RO60: variants seen among roughly 807,000 people sequenced by gnomAD.
The protein encoded by RO60 is Ro60, Y RNA binding protein.
In RO60, 20 loss-of-function variants were observed where a neutral mutation model predicts 55.3. That is an observed-to-expected ratio of 0.36 (90% CI 0.25 to 0.53). The LOEUF (loss-of-function observed/expected upper bound fraction) is 0.53, where lower values mean the gene tolerates loss of function less well. RO60 is among the 20% of genes least tolerant of loss of function. The pLI is 0.92. For synonymous variants in RO60, 213 were observed against 213.6 expected, an observed-to-expected ratio of 1.00 and a Z score of 0.02; for missense variants, 558 against 646.6, an observed-to-expected ratio of 0.86 and a Z score of 1.49.
Position 193,085,421 on chromosome 1 carries a change from G to C in RO60, c.*690G>C. ...CCTAAGAATAGACTAAGTTTGTGTT[G>C]GCTGAGGGATTCTATTTGGTTTGCT... On this transcript the variant is annotated 3_prime_UTR_variant, in exon 9 of 9. Transcript: ENST00000400968. 2.0e-6 allele frequency: 2 copies of C among 985,948 alleles called. No individual in the cohort carries two copies. The highest frequency in any genetic ancestry group is 3.5e-5 in the African/African-American group (2 of 57,240). 61.1% of individuals were successfully genotyped at this position (985,948 alleles called of 1,614,324 possible).
chr1:193,076,641 A>G lies in RO60; in HGVS notation c.942A>G (p.Leu314=), dbSNP rs547263877. The G allele has an allele frequency of 2.8e-5, 45 of 1,597,074 alleles. No individual in the cohort carries two copies. The highest frequency in any genetic ancestry group is 3.7e-5 in the Non-Finnish European group (43 of 1,173,598). Residue 314 remains leucine, a synonymous_variant, in exon 4 of 9, where the codon TTA becomes TTG. Coordinates refer to ENST00000400968, the MANE Select transcript of RO60 (RefSeq NM_001173524.2). Reference sequence around the variant, plus strand: ...AAAAACTGTGTAATGAAAAACTATTAAAAAAGGTAAGCATTATCATTGTTC... The same window carrying G: ...AAAAACTGTGTAATGAAAAACTATTGAAAAAGGTAAGCATTATCATTGTTC... The part of the protein sequence containing the change: ...VCEKLCNEKL[L]KKARIHPFHI...
chr1:193,082,008 G>A (rs1030080692), intron 6 of RO60, among the ~76,000 whole-genome samples, 178 bp from the exon 7 acceptor site: 1 of 152,144 alleles, frequency 6.6e-6, no homozygotes, highest in African/African-American at 2.4e-5. Context: ...ATGATAGCCA[G>A]TTTTTTTGTG....
chr1:193,066,217 T>TC (rs1673095321), intron 1 of RO60, among the ~76,000 whole-genome samples: 1 of 152,236 alleles, frequency 6.6e-6, no homozygotes, highest in Non-Finnish European at 1.5e-5. Context: ...CCTTCAGTTA[T>TC]CCCCCTTCTC....
intron 5 of RO60, among the ~76,000 whole-genome samples, chr1:193,078,720 T>G (rs1026724880): frequency 6.6e-6 from 1 of 151,894 alleles, no homozygotes; most frequent in Non-Finnish European, 1.5e-5. Flanking sequence ...TAAAAGAAAT[T>G]AAGTCATGAA....
At position 193,085,444 on chromosome 1, in the gene RO60, G is replaced by GC. The variant is rs1348902967; in HGVS notation, c.*714dup. The stretch of plus-strand genomic sequence containing the variant: ...TTGGCTGAGGGATTCTATTTGGTTT[G>GC]CTTTTTTTTTTTTGCTTTGTTATAT... On this transcript the variant is annotated 3_prime_UTR_variant, in exon 9 of 9. Coordinates refer to ENST00000400968, the MANE Select transcript of RO60 (RefSeq NM_001173524.2). The GC allele has an allele frequency of 1.0e-6, 1 of 979,152 alleles. No homozygotes were observed. The highest frequency in any genetic ancestry group is 1.8e-5 in the African/African-American group (1 of 56,508). The allele number at this position is 979,152 out of a possible 1,614,324, so 60.7% of individuals were successfully genotyped here.
At chr1:193,075,222 A>C (rs1331839377) in intron 2 of RO60, among the ~76,000 whole-genome samples, 1 of 151,684 alleles carries the variant, frequency 6.6e-6, no homozygotes, top group Non-Finnish European at 1.5e-5. Flanking sequence ...CTCACCCCCA[A>C]TCCAAGGCTC....
intron 2 of RO60, 116 bp downstream of exon 2, chr1:193,069,750 T>C (rs1673355118): frequency 1.3e-6 from 1 of 798,686 alleles, no homozygotes; most frequent in Admixed American, 3.0e-5. Context: ...CCTTTTATTC[T>C]CAAAATATAC....
chr1:193,069,211 T>A lies in RO60; in HGVS notation c.157T>A (p.Leu53Met), dbSNP rs375613734. 4.4e-5 allele frequency: 71 copies of A among 1,614,086 alleles called. No individual in the cohort carries two copies. Among genetic ancestry groups the A allele is most frequent in the Middle Eastern group, 1.6e-4 (1 of 6,084 alleles). Residue 53 changes from leucine (L) to methionine (M), a missense_variant, in exon 2 of 9, where the codon TTG (leucine) becomes ATG (methionine). Leu to Met is a conservative substitution (Grantham distance 15). Transcript: ENST00000400968. ...GGTYYIKEQK[L>M]GLENAEALIR... ...GACTTATTATATCAAAGAACAGAAG[T>A]TGGGCCTTGAAAATGCTGAAGCTTT...
In RO60 at chr1:193,069,315, A is replaced by G. The variant is rs184182804; in HGVS notation, c.261A>G (p.Thr87=). Residue 87 remains threonine, a synonymous_variant, in exon 2 of 9, where the codon ACA becomes ACG. Coordinates refer to ENST00000400968, the MANE Select transcript of RO60 (RefSeq NM_001173524.2). ...CATTTAGTCAAGAAGGCAGAACCAC[A>G]AAGCAAGAGCCTATGCTCTTTGCAC... ...IKSFSQEGRT[T]KQEPMLFALA... The G allele has an allele frequency of 6.9e-5, 111 of 1,614,258 alleles. No individual in the cohort carries two copies. The Middle Eastern group carries it at 8.2e-4, about 12-fold the overall frequency.
intron 1 of RO60, among the ~76,000 whole-genome samples, chr1:193,064,976 C>T (rs1673012965): frequency 6.6e-6 from 1 of 152,118 alleles, no homozygotes; most frequent in South Asian, 2.1e-4. Context: ...GTATTCATTA[C>T]TTTTCTTTAG....
rs532637607 is a variant in RO60 at position 193,087,413 on chromosome 1, A to T, written c.*2682A>T. On this transcript the variant is annotated 3_prime_UTR_variant, in exon 9 of 9. Transcript: ENST00000400968. Reference sequence around the variant, plus strand: ...ATAGTTCCAGGATATAGTTGTAATTAGTAAAACAAAAACTAATCTTATAAT... The same window carrying T: ...ATAGTTCCAGGATATAGTTGTAATTTGTAAAACAAAAACTAATCTTATAAT... The T allele has an allele frequency of 9.2e-5, 14 of 152,196 alleles. No homozygotes were observed. The highest frequency in any genetic ancestry group is 1.8e-4 in the Non-Finnish European group (12 of 68,000). 9.4% of individuals were successfully genotyped at this position (152,196 alleles called of 1,614,324 possible).
chr1:193,072,515 T>G (rs1450358638), intron 2 of RO60, among the ~76,000 whole-genome samples: 1 of 152,040 alleles, frequency 6.6e-6, no homozygotes, highest in Non-Finnish European at 1.5e-5. Context: ...CATGTCTTCA[T>G]AGGTTTATGT....
At chr1:193,071,540 A>G (rs780599898) in intron 2 of RO60, among the ~76,000 whole-genome samples, 1 of 152,086 alleles carries the variant, frequency 6.6e-6, no homozygotes, top group Non-Finnish European at 1.5e-5. Context: ...AAATACTACA[A>G]TGAAAACACT....
rs375613734 is a variant in RO60, at chr1:193,069,211, T to C, written c.157T>C (p.Leu53=). 6.2e-7 allele frequency: 1 copy of C among 1,614,204 alleles called. No homozygotes were observed. Among genetic ancestry groups the C allele is most frequent in the Non-Finnish European group, 8.5e-7 (1 of 1,180,024 alleles). Residue 53 remains leucine, a synonymous_variant, in exon 2 of 9, where the codon TTG becomes CTG. Transcript: ENST00000400968. ...GACTTATTATATCAAAGAACAGAAGTTGGGCCTTGAAAATGCTGAAGCTTT... is the reference window on the plus strand; with the variant it reads ...GACTTATTATATCAAAGAACAGAAGCTGGGCCTTGAAAATGCTGAAGCTTT... ...GGTYYIKEQK[L]GLENAEALIR...
intron 2 of RO60, among the ~76,000 whole-genome samples, chr1:193,073,636 C>A (rs541751430): frequency 6.6e-6 from 1 of 152,096 alleles, no homozygotes; most frequent in Non-Finnish European, 1.5e-5. Context: ...CACAGTGGCA[C>A]GATCTTGGCC....
At position 193,075,998 on chromosome 1, in the gene RO60, A is replaced by G; in HGVS notation, c.759A>G (p.Leu253=). The G allele has an allele frequency of 6.2e-7, 1 of 1,611,496 alleles. No homozygotes were observed. Among genetic ancestry groups the G allele is most frequent in the Non-Finnish European group, 8.5e-7 (1 of 1,179,034 alleles). The part of the protein sequence containing the change: ...EVIHLIEEHR[L]VREHLLTNHL... ...TTCATCTAATAGAAGAACATAGATT[A>G]GTTAGAGAACATCTTTTAACAAATC... Residue 253 remains leucine, a synonymous_variant, in exon 3 of 9, where the codon TTA becomes TTG. Transcript: ENST00000400968.
At position 193,067,525 on chromosome 1, in the gene RO60, G is replaced by T. The variant is rs368588241; in HGVS notation, c.-21-1509G>T. 9.2e-5 allele frequency among the ~76,000 whole-genome samples: 14 copies of T among 151,910 alleles called. 1 individual carries two copies. The highest frequency in any genetic ancestry group is 3.4e-4 in the African/African-American group (14 of 41,390). ...TAGTCTCTTTAATGGGAGAGAAATT[G>T]TCTTCATGTCTTACACATAGTATGT... is the stretch of plus-strand genomic sequence containing the variant. On this transcript the variant is annotated intron_variant, in intron 1 of 8. Transcript: ENST00000400968.
chr1:193,076,632 AAAAC>A lies in RO60; in HGVS notation c.934_937del (p.Lys312TyrfsTer2). On this transcript the variant is annotated frameshift_variant, in exon 4 of 9. Coordinates refer to ENST00000400968, the MANE Select transcript of RO60 (RefSeq NM_001173524.2). LOFTEE classifies it high-confidence loss of function. ...TAGTATGTGAAAAACTGTGTAATGAAAAACTATTAAAAAAGGTAAGCATTATCAT... is the reference window on the plus strand; with the variant it reads ...TAGTATGTGAAAAACTGTGTAATGAATATTAAAAAAGGTAAGCATTATCAT... 1 of 1,600,502 alleles carries A rather than the reference AAAAC, an allele frequency of 6.2e-7. No homozygotes were observed. Among genetic ancestry groups the A allele is most frequent in the Non-Finnish European group, 8.5e-7 (1 of 1,175,182 alleles).
At chr1:193,062,082 T>A (rs189299351) in intron 1 of RO60, among the ~76,000 whole-genome samples, 106 of 152,256 alleles carry the variant, frequency 7.0e-4, no homozygotes, top group African/African-American at 2.4e-3. Flanking sequence ...CAACATTAGT[T>A]GTATGGTGTG....
Sources: allele counts gnomAD v4.1 joint callset (sites outside exome capture counted in the v4.1 genomes callset), GRCh38; gene constraint gnomAD v4.1.1; transcripts MANE v1.5; gene names NCBI Gene and HGNC (gene_info 2026-07-23, HGNC 2026-07-21).